Variants in KCNN2 observed in about 807,000 individuals in gnomAD.
KCNN2 encodes potassium calcium-activated channel subfamily N member 2.
Under a neutral mutation model 55.5 loss-of-function variants are expected in KCNN2, and 24 were observed. That is an observed-to-expected ratio of 0.43 (90% CI 0.31 to 0.61). The LOEUF (loss-of-function observed/expected upper bound fraction) is 0.61. Among genes scored for constraint, KCNN2 ranks in the 20% least tolerant of loss-of-function variants. KCNN2 has a pLI of 0.08. For synonymous variants in KCNN2, 431 were observed against 336.1 expected (o/e 1.28, Z -3.09); for missense variants, 754 against 853.6 (o/e 0.88, Z 1.45).
intron 2 of KCNN2, among the ~76,000 whole-genome samples, chr5:114,307,596 G>A (rs1033457813): frequency 1.3e-5 from 2 of 151,976 alleles, no homozygotes; most frequent in African/African-American, 4.8e-5. Context: ...CTCTCACTGT[G>A]GTCTCAAAGA....
At chr5:114,285,917 CTTTTT>C (rs5870595) in intron 2 of KCNN2, among the ~76,000 whole-genome samples, 2 of 134,732 alleles carry the variant, frequency 1.5e-5, no homozygotes, top group Non-Finnish European at 3.2e-5. Context: ...ATTTGGGAAG[CTTTTT>C]TTTTTTTTTT....
rs10463655 is a variant in KCNN2, at chr5:114,133,525, G to A, written c.-271+77025G>A. On this transcript the variant is annotated intron_variant, in intron 1 of 10. Coordinates refer to the KCNN2 transcript ENST00000512097. ...CCATTAATCCACCCTGTACCACGGA[G>A]ACAGGGAAATGAGTGCTGTGTTGGT... Among the ~76,000 whole-genome samples the A allele has an allele frequency of 2.1e-3, 326 of 152,252 alleles. 13 individuals are homozygous for A. The East Asian group carries it at 0.06, about 28-fold the overall frequency.
In KCNN2 at chr5:114,071,124, G is replaced by A. The variant is rs374513899; in HGVS notation, c.-271+14624G>A. Reference sequence around the variant, plus strand: ...AGTTGCCAACAGTAGAATCTACTCTGGCTAATTAAAGAAGGAAGAATTTTT... The same window carrying A: ...AGTTGCCAACAGTAGAATCTACTCTAGCTAATTAAAGAAGGAAGAATTTTT... On this transcript the variant is annotated intron_variant, in intron 1 of 10. Coordinates refer to the KCNN2 transcript ENST00000512097. Among the ~76,000 whole-genome samples, 61 of 152,232 alleles carry A rather than the reference G, an allele frequency of 4.0e-4. No individual in the cohort carries two copies. In the South Asian group the frequency reaches 0.01, roughly 26 times the overall value.
At chr5:114,473,548 T>A (rs536279685) in intron 5 of KCNN2, among the ~76,000 whole-genome samples, 1 of 152,292 alleles carries the variant, frequency 6.6e-6, no homozygotes, top group South Asian at 2.1e-4. Flanking sequence ...CAAGTCACTG[T>A]TCTCAAGACA....
intron 2 of KCNN2, among the ~76,000 whole-genome samples, chr5:114,380,969 C>T (rs1208154675): frequency 6.6e-6 from 1 of 152,114 alleles, no homozygotes; most frequent in Non-Finnish European, 1.5e-5. Context: ...GTGGATAAAT[C>T]CAGGGTTCTC....
intron 2 of KCNN2, among the ~76,000 whole-genome samples, chr5:114,403,434 A>AAT (rs1465813348): frequency 6.6e-6 from 1 of 152,192 alleles, no homozygotes; most frequent in Non-Finnish European, 1.5e-5. Flanking sequence ...GTATCTTTGG[A>AAT]ATATATATAG....
chr5:114,344,030 C>G (rs1757063670), intron 2 of KCNN2, among the ~76,000 whole-genome samples: 1 of 152,174 alleles, frequency 6.6e-6, no homozygotes. Flanking sequence ...GGAACTGAAA[C>G]TAACATTGTC....
At chr5:114,226,637 T>C (rs1200784765) in intron 2 of KCNN2, among the ~76,000 whole-genome samples, 4 of 152,134 alleles carry the variant, frequency 2.6e-5, no homozygotes, top group Admixed American at 2.0e-4. Flanking sequence ...ATGCAGTAGC[T>C]CATGCCTGTA....
chr5:114,349,712 C>T (rs1396296630), intron 2 of KCNN2, among the ~76,000 whole-genome samples: 3 of 151,998 alleles, frequency 2.0e-5, no homozygotes, highest in Non-Finnish European at 2.9e-5. Context: ...CTGCAGGGAA[C>T]ATTCATGTAA....
At chr5:114,116,165 C>T (rs1000856726) in intron 1 of KCNN2, among the ~76,000 whole-genome samples, 1 of 151,926 alleles carries the variant, frequency 6.6e-6, no homozygotes, top group Non-Finnish European at 1.5e-5. Flanking sequence ...GAAAGTGAGA[C>T]CTCCCCAAGT....
chr5:114,403,715 C>A (rs1317350339), intron 2 of KCNN2, among the ~76,000 whole-genome samples: 1 of 152,052 alleles, frequency 6.6e-6, no homozygotes, highest in Non-Finnish European at 1.5e-5. Flanking sequence ...TTTGCTTTCT[C>A]GCTGGTTTTT....
At chr5:114,100,501 G>T (rs1751351209) in intron 1 of KCNN2, among the ~76,000 whole-genome samples, 1 of 152,072 alleles carries the variant, frequency 6.6e-6, no homozygotes, top group South Asian at 2.1e-4. Context: ...AGAGAATGCA[G>T]AAACAAACTA....
At chr5:114,461,970 T>G (rs1167789010) in intron 3 of KCNN2, among the ~76,000 whole-genome samples, 4 of 152,190 alleles carry the variant, frequency 2.6e-5, no homozygotes, top group African/African-American at 9.6e-5. Flanking sequence ...CTGAGTGGTA[T>G]CTGAGAGATG....
At chr5:114,270,198 T>A (rs1755298981) in intron 2 of KCNN2, among the ~76,000 whole-genome samples, 1 of 152,224 alleles carries the variant, frequency 6.6e-6, no homozygotes, top group Non-Finnish European at 1.5e-5. Flanking sequence ...GAGCTCTTAT[T>A]CAAATTGTGA....
At chr5:114,088,723 G>A (rs1751070916) in intron 1 of KCNN2, among the ~76,000 whole-genome samples, 1 of 152,044 alleles carries the variant, frequency 6.6e-6, no homozygotes, top group African/African-American at 2.4e-5. Flanking sequence ...GGGTTAAGAG[G>A]ATTCTCTTGC....
chr5:114,175,201 T>C (rs1018602434), intron 1 of KCNN2, among the ~76,000 whole-genome samples: 1 of 152,180 alleles, frequency 6.6e-6, no homozygotes, highest in African/African-American at 2.4e-5. Flanking sequence ...GCTAGGATTA[T>C]GAGGAATTCT....
At chr5:114,349,758 G>A (rs1757173898) in intron 2 of KCNN2, among the ~76,000 whole-genome samples, 1 of 151,888 alleles carries the variant, frequency 6.6e-6, no homozygotes, top group Non-Finnish European at 1.5e-5. Flanking sequence ...CATTTCTCTT[G>A]AGTACATACC....
intron 1 of KCNN2, among the ~76,000 whole-genome samples, chr5:114,157,347 A>C (rs931700821): frequency 6.6e-6 from 1 of 151,952 alleles, no homozygotes; most frequent in Non-Finnish European, 1.5e-5. Flanking sequence ...ATCATTTTTT[A>C]TGGCTGCCTA....
At chr5:114,246,253 G>T (rs1483056115) in intron 2 of KCNN2, among the ~76,000 whole-genome samples, 1 of 152,010 alleles carries the variant, frequency 6.6e-6, no homozygotes, top group African/African-American at 2.4e-5. Flanking sequence ...TTGTTTATTT[G>T]TACTCATAAA....
Sources: allele counts gnomAD v4.1 joint callset (sites outside exome capture counted in the v4.1 genomes callset), GRCh38; gene constraint gnomAD v4.1.1; transcripts MANE v1.5; gene names NCBI Gene and HGNC (gene_info 2026-07-23, HGNC 2026-07-21).